Variants in RNF213 observed in about 807,000 individuals in gnomAD.
RNF213 encodes E3 ubiquitin-protein ligase RNF213.
A neutral mutation model predicts 514.4 loss-of-function variants in RNF213; 341 were observed. The ratio of observed to expected loss-of-function variants is 0.66; its 90% CI spans 0.61 to 0.73. RNF213 has a LOEUF of 0.73. Among genes scored for constraint, RNF213 ranks in the 30% least tolerant of loss-of-function variants. The pLI is 0.00. For missense variants in RNF213, 5,767 were observed against 6,615.6 expected (o/e 0.87, Z 4.45); for synonymous variants, 2,655 against 2,658.2 (o/e 1.00, Z 0.04).
chr17:80,298,123 G>A (rs954180898), intron 10 of RNF213, among the ~76,000 whole-genome samples, 198 bp from the exon 11 acceptor site: 3 of 152,178 alleles, frequency 2.0e-5, no homozygotes, highest in Non-Finnish European at 2.9e-5. Flanking sequence ...TTCGGTGAGG[G>A]CCTGCAAAGG....
At chr17:80,322,702 A>C (rs898867312) in intron 17 of RNF213, among the ~76,000 whole-genome samples, 12 of 152,318 alleles carry the variant, frequency 7.9e-5, no homozygotes, top group African/African-American at 2.9e-4. Context: ...GGCATGAGCC[A>C]CCGCACCTGG....
At position 80,397,199 on chromosome 17, in the gene RNF213, A is replaced by ACAGCC. The variant is rs1225894904; in HGVS notation, c.*3710_*3714dup. Reference sequence around the variant, plus strand: ...CTCTGGAACCCAACAAAGCTGACACACAGCCCAGCCCAGACAGGCCTGAAT... The same window carrying ACAGCC: ...CTCTGGAACCCAACAAAGCTGACACACAGCCCAGCCCAGCCCAGACAGGCCTGAAT... On this transcript the variant is annotated 3_prime_UTR_variant, in exon 68 of 68. Coordinates refer to ENST00000582970, the MANE Select transcript of RNF213 (RefSeq NM_001256071.3). The ACAGCC allele has an allele frequency of 6.6e-5, 10 of 152,308 alleles. No individual in the cohort carries two copies. Among genetic ancestry groups the ACAGCC allele is most frequent in the African/African-American group, 2.4e-4 (10 of 41,408 alleles). 9.4% of individuals were successfully genotyped at this position (152,308 alleles called of 1,614,324 possible). A position where few individuals can be genotyped will look rare whatever the true frequency, so the allele number is the denominator to read the frequency against.
intron 15 of RNF213, chr17:80,316,684 C>G (rs957284583): frequency 4.6e-5 from 11 of 238,032 alleles, no homozygotes; most frequent in Non-Finnish European, 8.4e-5. Flanking sequence ...GAGACCCTGC[C>G]CAGGTATGTA....
At position 80,309,162 on chromosome 17, in the gene RNF213, A is replaced by G; in HGVS notation, c.2646A>G (p.Leu882=). The change falls in exon 14 of 68, where the codon CTA becomes CTG. Residue 882 remains leucine (L), a synonymous_variant. Transcript: ENST00000582970. Reference sequence around the variant, plus strand: ...TTGTCTGCAGAATGATTAGACTTCTATCTCTGGTGGTAAGTGGAGTCAACA... The same window carrying G: ...TTGTCTGCAGAATGATTAGACTTCTGTCTCTGGTGGTAAGTGGAGTCAACA... The part of the protein sequence containing the change: ...AEIVCRMIRL[L]SLVDSAGQRD... 1.9e-6 allele frequency: 3 copies of G among 1,614,202 alleles called. No individual in the cohort carries two copies. In the East Asian group the frequency reaches 6.7e-5, roughly 36 times the overall value.
intron 40 of RNF213, 77 bp from the exon 41 acceptor site, chr17:80,363,532 G>A (rs1291875645): frequency 2.6e-6 from 4 of 1,510,786 alleles, no homozygotes; most frequent in Non-Finnish European, 3.7e-6. Context: ...AAGTATACAT[G>A]CAGCTAACAG....
At position 80,298,424 on chromosome 17, in the gene RNF213, C is replaced by T. The variant is rs142017675; in HGVS notation, c.2116C>T (p.Pro706Ser). ...PVLHCCMELAPRHKDAWRQPE... is the reference protein window; with the variant it reads ...PVLHCCMELASRHKDAWRQPE... ...CCTGCACTGCTGTATGGAGCTGGCC[C>T]CGCGGCACAAGGATGCCTGGAGACA... Residue 706 changes from proline to serine, a missense_variant, in exon 11 of 68, where the codon CCG becomes TCG. Transcript: ENST00000582970. 1.4e-4 allele frequency: 229 copies of T among 1,614,222 alleles called. 1 individual carries two copies. The African/African-American group carries it at 2.6e-3, about 18-fold the overall frequency.
At chr17:80,294,674 G>A in intron 8 of RNF213, 46 bp from the exon 9 acceptor site, 1 of 1,609,736 alleles carries the variant, frequency 6.2e-7, no homozygotes, top group Non-Finnish European at 8.5e-7. Context: ...GGTCTCCAGG[G>A]TTTTGATGGT....
At chr17:80,360,319 A>C in intron 38 of RNF213, 113 bp downstream of exon 38, 1 of 1,235,040 alleles carries the variant, frequency 8.1e-7, no homozygotes, top group Non-Finnish European at 1.2e-6. Flanking sequence ...TGGAGTTTTT[A>C]GTTTTCACAC....
In RNF213 at chr17:80,377,692, G is replaced by C; in HGVS notation, c.13511-70G>C. ...GTCAGGGCCAGAGAGTAGAGAGTTA[G>C]CTTTCCCTTTTCAATGTGGGTCATT... On this transcript the variant is annotated intron_variant, in intron 53 of 67. Coordinates refer to ENST00000582970, the MANE Select transcript of RNF213 (RefSeq NM_001256071.3). The surrounding 1 kb of genome is among the most constrained non-coding windows in gnomAD (Gnocchi z 4.1). The C allele has an allele frequency of 6.4e-7, 1 of 1,556,362 alleles. No individual in the cohort carries two copies. The highest frequency in any genetic ancestry group is 1.1e-5 in the South Asian group (1 of 89,876).
In RNF213 at chr17:80,377,504, C is replaced by G. The variant is rs958214496; in HGVS notation, c.13511-258C>G. On this transcript the variant is annotated intron_variant, in intron 53 of 67. Transcript: ENST00000582970. This position sits in a 1 kb window ranked among gnomAD's most constrained non-coding sequence, Gnocchi z 4.1. ...TGTCCACCTTGCCTCCAAAAGTACC[C>G]CTGGTATGGGCCTATATTCTAATTG... is the stretch of plus-strand genomic sequence containing the variant. 6.6e-6 allele frequency among the ~76,000 whole-genome samples: 1 copy of G among 151,758 alleles called. No individual in the cohort carries two copies. Among genetic ancestry groups the G allele is most frequent in the African/African-American group, 2.4e-5 (1 of 41,288 alleles).
intron 11 of RNF213, among the ~76,000 whole-genome samples, chr17:80,299,576 T>G (rs2045099793): frequency 6.6e-6 from 1 of 150,764 alleles, no homozygotes; most frequent in Non-Finnish European, 1.5e-5. Flanking sequence ...ATTTTTAACT[T>G]CTAAGTTCAG....
chr17:80,340,289 G>T lies in RNF213; in HGVS notation c.5922G>T (p.Leu1974=). The T allele has an allele frequency of 6.2e-7, 1 of 1,613,706 alleles. No homozygotes were observed. The highest frequency in any genetic ancestry group is 1.1e-5 in the South Asian group (1 of 91,082). Residue 1974 remains leucine, a synonymous_variant, in exon 26 of 68, where the codon CTG becomes CTT. Coordinates refer to ENST00000582970, the MANE Select transcript of RNF213 (RefSeq NM_001256071.3). ...AGHYRVPKQT[L]SAAAVFNDRL... is the part of the protein sequence containing the mutation. ...ACTACCGGGTCCCGAAGCAGACCCT[G>T]TCGGCGGCAGCCGTGTTCAATGACC...
In RNF213 at chr17:80,342,733, T is replaced by A. The variant is rs1230376110; in HGVS notation, c.5990-399T>A. Among the ~76,000 whole-genome samples the A allele has an allele frequency of 2.8e-5, 4 of 145,134 alleles. No homozygotes were observed. In the South Asian group the frequency reaches 6.3e-4, roughly 23 times the overall value. ...TACATATATAGTATGTATATATATA[T>A]TATATATATATTGTATGTATATATA... On this transcript the variant is annotated intron_variant, in intron 26 of 67. Transcript: ENST00000582970.
intron 42 of RNF213, among the ~76,000 whole-genome samples, chr17:80,365,646 G>A (rs144767827): frequency 2.8e-4 from 42 of 152,286 alleles, no homozygotes; most frequent in African/African-American, 9.6e-4. Context: ...GGAGTTTTTC[G>A]TGGCATGGTC....
At chr17:80,276,193 C>T (rs1441247061) in intron 3 of RNF213, among the ~76,000 whole-genome samples, 2 of 151,938 alleles carry the variant, frequency 1.3e-5, no homozygotes, top group East Asian at 1.9e-4. Flanking sequence ...CTCCACCTCC[C>T]GGGTTCAAGC....
At chr17:80,388,795 C>T (rs2080343010) in intron 64 of RNF213, 106 bp downstream of exon 64, 2 of 905,204 alleles carry the variant, frequency 2.2e-6, no homozygotes, top group African/African-American at 1.6e-5. Flanking sequence ...TTGCTGTGAG[C>T]CCACAGTTTC....
chr17:80,373,603 C>T (rs781720663), intron 49 of RNF213, among the ~76,000 whole-genome samples: 7 of 152,014 alleles, frequency 4.6e-5, no homozygotes, highest in East Asian at 3.9e-4. Flanking sequence ...TTGCTTTCAG[C>T]GAATTAAACG....
chr17:80,352,752 C>T (rs538822912), intron 32 of RNF213, 188 bp from the exon 33 acceptor site: 10 of 800,794 alleles, frequency 1.2e-5, no homozygotes, highest in Admixed American at 3.5e-5. Context: ...GGCATAGAAT[C>T]GGGTCGTGTA....
At chr17:80,330,283 T>G (rs752151337) in intron 20 of RNF213, among the ~76,000 whole-genome samples, 1 of 152,232 alleles carries the variant, frequency 6.6e-6, no homozygotes, top group African/African-American at 2.4e-5. Context: ...CTTGTTGATT[T>G]GTTTTGATTT....
Sources: gnomAD v4.1 joint callset for allele counts (sites outside exome capture counted in the v4.1 genomes callset) on GRCh38, gnomAD v4.1.1 for gene constraint, Gnocchi (gnomAD v3.1) non-coding constraint, MANE v1.5 for transcripts, NCBI Gene and HGNC (gene_info 2026-07-23, HGNC 2026-07-21) for gene names.